The following ZFPM2 variants were observed in gnomAD, a reference collection of about 807,000 sequenced individuals.
The protein encoded by ZFPM2 is zinc finger protein ZFPM2.
A neutral mutation model predicts 98.6 loss-of-function variants in ZFPM2; 20 were observed. That is an observed-to-expected ratio of 0.20 (90% CI 0.14 to 0.29). The LOEUF is 0.29. ZFPM2 is among the 10% of genes least tolerant of loss of function. The probability of loss-of-function intolerance (pLI) is 1.00; values close to 1 mark genes in which losing one functional copy is unlikely to be tolerated. For missense variants in ZFPM2, 1,310 were observed against 1,388.6 expected, an observed-to-expected ratio of 0.94 and a Z score of 0.90; for synonymous variants, 518 against 502.7, an observed-to-expected ratio of 1.03 and a Z score of -0.41.
intron 1 of ZFPM2, chr8:105,358,703 TC>T (rs1205606813): frequency 1.3e-5 from 2 of 152,368 alleles, no homozygotes; most frequent in Non-Finnish European, 2.9e-5. Context: ...ACTCCTGTAA[TC>T]CCAGCAGTTT....
chr8:105,416,093 A>G (rs1335117078), intron 1 of ZFPM2, among the ~76,000 whole-genome samples: 1 of 151,864 alleles, frequency 6.6e-6, no homozygotes, highest in East Asian at 1.9e-4. Flanking sequence ...GGAATAGATA[A>G]TATTAAGATC....
intron 1 of ZFPM2, among the ~76,000 whole-genome samples, chr8:105,356,987 A>G (rs1812760177): frequency 6.6e-6 from 1 of 152,076 alleles, no homozygotes; most frequent in South Asian, 2.1e-4. Flanking sequence ...CTACTTTATC[A>G]AGTCCAATTT....
chr8:105,768,842 C>T (rs143849893), intron 5 of ZFPM2, among the ~76,000 whole-genome samples: 10 of 151,928 alleles, frequency 6.6e-5, no homozygotes, highest in African/African-American at 9.6e-5. Flanking sequence ...CACACACGCA[C>T]GCACACATAC....
intron 4 of ZFPM2, among the ~76,000 whole-genome samples, chr8:105,590,230 T>G (rs1193199582): frequency 1.3e-5 from 2 of 152,204 alleles, no homozygotes; most frequent in African/African-American, 4.8e-5. Context: ...AGTGCCACAT[T>G]TTAATTCAGC....
intron 4 of ZFPM2, among the ~76,000 whole-genome samples, chr8:105,633,995 A>G (rs543073705): frequency 6.6e-6 from 1 of 150,996 alleles, no homozygotes; most frequent in African/African-American, 2.4e-5. Flanking sequence ...AATCTTGGAG[A>G]TCTGATTCAG....
intron 5 of ZFPM2, among the ~76,000 whole-genome samples, chr8:105,647,336 G>T (rs1360763402): frequency 6.6e-6 from 1 of 151,792 alleles, no homozygotes; most frequent in Admixed American, 6.6e-5. Flanking sequence ...CCACTAAAGT[G>T]CAATCATTCA....
At chr8:105,393,334 T>TTC (rs1563637830) in intron 1 of ZFPM2, among the ~76,000 whole-genome samples, 9 of 124,232 alleles carry the variant, frequency 7.2e-5, no homozygotes, top group Admixed American at 8.9e-5. Context: ...CTCTCTCTCT[T>TTC]TGCCTTTCTT....
intron 1 of ZFPM2, among the ~76,000 whole-genome samples, chr8:105,324,065 G>A (rs1247878996): frequency 1.3e-5 from 2 of 151,786 alleles, no homozygotes; most frequent in African/African-American, 2.4e-5. Context: ...TGGTTGCTAT[G>A]TGACTTGCCA....
intron 5 of ZFPM2, chr8:105,787,422 C>CT (rs1813446687): frequency 6.6e-6 from 1 of 152,174 alleles, no homozygotes; most frequent in African/African-American, 2.4e-5. Flanking sequence ...ATCATATACT[C>CT]TCACAGATGG....
At chr8:105,503,321 C>G (rs1205008803) in intron 3 of ZFPM2, among the ~76,000 whole-genome samples, 1 of 152,000 alleles carries the variant, frequency 6.6e-6, no homozygotes, top group Non-Finnish European at 1.5e-5. Context: ...ATGTAATGGT[C>G]CAGAAATAAC....
At chr8:105,552,679 T>A (rs2130667556) in intron 3 of ZFPM2, among the ~76,000 whole-genome samples, 1 of 127,644 alleles carries the variant, frequency 7.8e-6, no homozygotes, top group East Asian at 2.2e-4. Flanking sequence ...AAAAAGACTT[T>A]AGAGCAAAGG....
At position 105,788,600 on chromosome 8, in the gene ZFPM2, C is replaced by G. The variant is rs1813492480; in HGVS notation, c.533-118C>G. On this transcript the variant is annotated intron_variant, in intron 5 of 7. Coordinates refer to ENST00000407775, the MANE Select transcript of ZFPM2 (RefSeq NM_012082.4). ...ACAGCTGTTGCCTTGATCAAACACT[C>G]CACTCCAGTAGAAACCAGTGTGAAA... 1.8e-5 allele frequency: 18 copies of G among 983,400 alleles called. No homozygotes were observed. In the South Asian group the frequency reaches 2.7e-4, roughly 15 times the overall value. The allele number at this position is 983,400 out of a possible 1,614,324, so 60.9% of individuals were successfully genotyped here.
intron 4 of ZFPM2, among the ~76,000 whole-genome samples, chr8:105,600,662 G>A (rs1364279997): frequency 6.6e-6 from 1 of 151,700 alleles, no homozygotes; most frequent in Non-Finnish European, 1.5e-5. Flanking sequence ...TTTTAAAATT[G>A]TTTAAACCCT....
intron 4 of ZFPM2, among the ~76,000 whole-genome samples, chr8:105,572,036 T>TC (rs1170834957): frequency 1.6e-5 from 2 of 123,350 alleles, no homozygotes; most frequent in East Asian, 4.0e-4. Flanking sequence ...TAAATTTCTT[T>TC]TTTTTTTTTT....
At chr8:105,487,650 G>C (rs1813256102) in intron 3 of ZFPM2, among the ~76,000 whole-genome samples, 1 of 151,932 alleles carries the variant, frequency 6.6e-6, no homozygotes, top group African/African-American at 2.4e-5. Flanking sequence ...AAAGCAGATG[G>C]AGGGCCAGAT....
intron 3 of ZFPM2, among the ~76,000 whole-genome samples, chr8:105,470,170 ACCT>A (rs1172903348): frequency 6.6e-6 from 1 of 151,632 alleles, no homozygotes; most frequent in Non-Finnish European, 1.5e-5. Flanking sequence ...TTCCCCCTCT[ACCT>A]CCTCTTTTTC....
At chr8:105,458,811 T>C (rs1286423100) in intron 3 of ZFPM2, among the ~76,000 whole-genome samples, 1 of 152,120 alleles carries the variant, frequency 6.6e-6, no homozygotes, top group Non-Finnish European at 1.5e-5. Context: ...TTTTTTTAAT[T>C]AGATGTTTTC....
At chr8:105,400,419 C>A (rs1428837342) in intron 1 of ZFPM2, among the ~76,000 whole-genome samples, 1 of 152,132 alleles carries the variant, frequency 6.6e-6, no homozygotes, top group Admixed American at 6.6e-5. Context: ...CCCACTCCCC[C>A]TACCCCACAA....
intron 5 of ZFPM2, among the ~76,000 whole-genome samples, chr8:105,689,576 C>T (rs542777303): frequency 6.6e-6 from 1 of 152,240 alleles, no homozygotes; most frequent in South Asian, 2.1e-4. Context: ...CAATCACACT[C>T]TGTCATTATT....
Sources: gnomAD v4.1 joint callset for allele counts (sites outside exome capture counted in the v4.1 genomes callset) on GRCh38, gnomAD v4.1.1 for gene constraint, MANE v1.5 for transcripts, NCBI Gene and HGNC (gene_info 2026-07-23, HGNC 2026-07-21) for gene names.